Variants in ZPBP observed in about 807,000 individuals in gnomAD.
ZPBP encodes the protein zona pellucida binding protein.
A neutral mutation model predicts 44.8 loss-of-function variants in ZPBP; 26 were observed. That is an observed-to-expected ratio of 0.58 (90% CI 0.43 to 0.81). The LOEUF (loss-of-function observed/expected upper bound fraction) is 0.81, where lower values mean the gene tolerates loss of function less well. Ranked by LOEUF, ZPBP falls within the 30% of genes least tolerant of loss-of-function variation. The pLI is 0.00. For synonymous variants in ZPBP, 174 were observed against 153.2 expected (o/e 1.14, Z -1.00); for missense variants, 409 against 434.0 (o/e 0.94, Z 0.51).
downstream of ZPBP, among the ~76,000 whole-genome samples, chr7:49,847,961 G>C (rs561777075): frequency 1.5e-4 from 23 of 152,296 alleles, no homozygotes; most frequent in East Asian, 4.1e-3. Flanking sequence ...TCCCTCCAAC[G>C]TCAGCAAGGC....
At chr7:49,894,455 C>T (rs1792280812) in intron 2 of ZPBP, among the ~76,000 whole-genome samples, 1 of 152,236 alleles carries the variant, frequency 6.6e-6, no homozygotes, top group Admixed American at 6.5e-5. Context: ...CACAGTCTTC[C>T]TATGGCTTAC....
At chr7:49,981,637 T>TATTCTATA (rs1796963950) in intron 7 of ZPBP, among the ~76,000 whole-genome samples, 1 of 87,958 alleles carries the variant, frequency 1.1e-5, no homozygotes, top group African/African-American at 4.9e-5. Flanking sequence ...TTATATTATA[T>TATTCTATA]ATTATATAAT....
intron 2 of ZPBP, among the ~76,000 whole-genome samples, chr7:49,886,524 T>C (rs1791910147): frequency 6.6e-6 from 1 of 152,256 alleles, no homozygotes; most frequent in Non-Finnish European, 1.5e-5. Context: ...CTTTTGATTT[T>C]AATTTCACTT....
At position 49,922,047 on chromosome 7, in the gene ZPBP, G is replaced by A. The variant is rs541725124; in HGVS notation, n.411+13704C>T. ...AGCAAGATAAATAAAATGTATATACGTCATTAAAAATACTTAAAATGCTTT... is the reference window on the plus strand; with the variant it reads ...AGCAAGATAAATAAAATGTATATACATCATTAAAAATACTTAAAATGCTTT... On this transcript the variant is annotated intron_variant and non_coding_transcript_variant, in intron 1 of 2. Transcript: ENST00000465922. 9 of 152,104 alleles carry A rather than the reference G, an allele frequency of 5.9e-5. No individual in the cohort carries two copies. In the South Asian group the frequency reaches 1.5e-3, roughly 25 times the overall value. The allele number at this position is 152,104 out of a possible 1,614,324, so 9.4% of individuals were successfully genotyped here. A position where few individuals can be genotyped will look rare whatever the true frequency, so the allele number is the denominator to read the frequency against.
intron 6 of ZPBP, among the ~76,000 whole-genome samples, chr7:49,984,487 AG>A: frequency 6.6e-6 from 1 of 152,170 alleles, no homozygotes; most frequent in Non-Finnish European, 1.5e-5. Flanking sequence ...TTCACAGACC[AG>A]GGTGGTAGGA....
chr7:49,867,316 A>C (rs1356152989), intron 2 of ZPBP, among the ~76,000 whole-genome samples: 2 of 152,220 alleles, frequency 1.3e-5, no homozygotes, highest in Admixed American at 6.5e-5. Context: ...AGAAAAGAAG[A>C]AGCATGAGAA....
intron 6 of ZPBP, among the ~76,000 whole-genome samples, chr7:50,012,092 T>C (rs1298908899): frequency 1.3e-5 from 2 of 148,286 alleles, no homozygotes; most frequent in Non-Finnish European, 3.0e-5. Flanking sequence ...AGAGAACACA[T>C]ACCACTCAAC....
chr7:49,877,481 A>AAAAAATATACATATATATATATATATAT lies in ZPBP; in HGVS notation n.509+23636_509+23637insATATATATATATATATATGTATATTTTT. 6.8e-3 allele frequency among the ~76,000 whole-genome samples: 86 copies of AAAAAATATACATATATATATATATATAT among 12,722 alleles called. 29 individuals carry two copies. Among genetic ancestry groups the AAAAAATATACATATATATATATATATAT allele is most frequent in the Non-Finnish European group, 0.01 (70 of 6,948 alleles). The allele number at this position is 12,722 out of a possible 152,430, so 8.3% of individuals were successfully genotyped here. ...CTGTCTCAAAAAAAAAAAAAAAAAA[A>AAAAAATATACATATATATATATATATAT]ATATATATATATATATATATATATA... On this transcript the variant is annotated intron_variant and non_coding_transcript_variant, in intron 2 of 2. Transcript: ENST00000465922.
At chr7:49,960,775 C>T (rs1795836537) in intron 7 of ZPBP, among the ~76,000 whole-genome samples, 1 of 152,082 alleles carries the variant, frequency 6.6e-6, no homozygotes, top group Non-Finnish European at 1.5e-5. Context: ...AAAATGAAAA[C>T]TAAAACCACA....
intron 7 of ZPBP, among the ~76,000 whole-genome samples, chr7:49,976,330 T>C (rs936049655): frequency 6.6e-6 from 1 of 152,244 alleles, no homozygotes; most frequent in African/African-American, 2.4e-5. Flanking sequence ...AGTCCTTTTT[T>C]GAGTGTAGAT....
chr7:49,918,169 T>C (rs964232601), intron 1 of ZPBP: 4 of 152,192 alleles, frequency 2.6e-5, no homozygotes, highest in African/African-American at 9.6e-5. Flanking sequence ...GGTAATGCTA[T>C]CCCCTTTGTT....
intron 2 of ZPBP, among the ~76,000 whole-genome samples, chr7:49,857,253 T>C (rs543464657): frequency 1.1e-4 from 16 of 152,302 alleles, no homozygotes; most frequent in African/African-American, 3.6e-4. Flanking sequence ...TTAGCTCCTC[T>C]AGCGACTTTA....
chr7:49,890,448 T>TAA (rs1169563453), intron 2 of ZPBP, among the ~76,000 whole-genome samples: 1 of 152,130 alleles, frequency 6.6e-6, no homozygotes, highest in Non-Finnish European at 1.5e-5. Context: ...CTGTTTGACT[T>TAA]TTTACAGACC....
At chr7:49,958,240 C>T (rs552311293) in intron 7 of ZPBP, among the ~76,000 whole-genome samples, 1 of 152,242 alleles carries the variant, frequency 6.6e-6, no homozygotes, top group East Asian at 1.9e-4. Flanking sequence ...ATGAGAGACT[C>T]TAGACTTTGA....
At chr7:49,867,124 G>A (rs1442183827) in intron 2 of ZPBP, among the ~76,000 whole-genome samples, 1 of 152,138 alleles carries the variant, frequency 6.6e-6, no homozygotes, top group African/African-American at 2.4e-5. Context: ...GCTATGTGGG[G>A]AGCCTCTCGA....
chr7:50,090,516 T>A (rs1397061803), intron 1 of ZPBP, among the ~76,000 whole-genome samples: 1 of 151,846 alleles, frequency 6.6e-6, no homozygotes, highest in Admixed American at 6.6e-5. Context: ...TATATGTGTA[T>A]ATATGTGTAT....
chr7:49,919,324 TAAAA>T (rs964598747), intron 1 of ZPBP: 1 of 152,102 alleles, frequency 6.6e-6, no homozygotes, highest in Non-Finnish European at 1.5e-5. Flanking sequence ...CTTAAACTAA[TAAAA>T]AAAGCGATGG....
chr7:49,901,043 G>A (rs1792696376), intron 2 of ZPBP: 1 of 151,764 alleles, frequency 6.6e-6, no homozygotes, highest in African/African-American at 2.4e-5. Flanking sequence ...TTATGATAAG[G>A]TAAACTAGGA....
intron 3 of ZPBP, among the ~76,000 whole-genome samples, chr7:50,074,768 A>G (rs937891880): frequency 1.3e-5 from 2 of 152,042 alleles, no homozygotes; most frequent in Non-Finnish European, 2.9e-5. Context: ...AGATATATAA[A>G]GAAAATATTA....
Sources: gnomAD v4.1 joint callset for allele counts (sites outside exome capture counted in the v4.1 genomes callset) on GRCh38, gnomAD v4.1.1 for gene constraint, MANE v1.5 for transcripts, NCBI Gene and HGNC (gene_info 2026-07-23, HGNC 2026-07-21) for gene names.